Variants in CHN2 observed in about 807,000 individuals in gnomAD.
CHN2 encodes the protein beta-chimaerin.
Under a neutral mutation model 56.3 loss-of-function variants are expected in CHN2, and 35 were observed. That is an observed-to-expected ratio of 0.62 (90% CI 0.47 to 0.82). The LOEUF is 0.82. CHN2 is among the 40% of genes least tolerant of loss of function. The probability of loss-of-function intolerance (pLI) is 0.00; values close to 1 mark genes in which losing one functional copy is unlikely to be tolerated. For synonymous variants in CHN2, 210 were observed against 212.8 expected (o/e 0.99, Z 0.12); for missense variants, 491 against 580.5 (o/e 0.85, Z 1.58).
intron 1 of CHN2, chr7:29,289,110 T>C (rs907925285): frequency 6.6e-6 from 1 of 152,248 alleles, no homozygotes; most frequent in Admixed American, 6.5e-5. Flanking sequence ...CCAACGCATT[T>C]GTTTTTGAGA....
Position 29,281,905 on chromosome 7 carries a change from G to A in CHN2, c.50-72720G>A, listed in dbSNP as rs575389284. Among the ~76,000 whole-genome samples the A allele has an allele frequency of 6.6e-5, 10 of 152,336 alleles. No individual in the cohort carries two copies. The East Asian group carries it at 7.7e-4, about 12-fold the overall frequency. ...CATGTTGTGCCTGAGTATGCGGTGC[G>A]TCAGAGGATGTCAGCTAACAGCTTC... On this transcript the variant is annotated intron_variant, in intron 1 of 12. Coordinates refer to ENST00000222792, the MANE Select transcript of CHN2 (RefSeq NM_004067.4).
intron 1 of CHN2, among the ~76,000 whole-genome samples, chr7:29,273,532 A>G (rs1044470959): frequency 6.6e-6 from 1 of 151,376 alleles, no homozygotes; most frequent in Non-Finnish European, 1.5e-5. Context: ...TCTTGAGTAT[A>G]TGCCCAGAAG....
chr7:29,169,293 A>G (rs535018091), intron 2 of CHN2, among the ~76,000 whole-genome samples: 9 of 152,228 alleles, frequency 5.9e-5, no homozygotes, highest in South Asian at 2.1e-4. Context: ...CTATTATTCA[A>G]TCCCTTAAAA....
chr7:29,445,040 C>T (rs529593123), intron 6 of CHN2: 35 of 439,900 alleles, frequency 8.0e-5, no homozygotes, highest in Middle Eastern at 9.4e-4. Context: ...ACAGAGGCTA[C>T]GCAAAATTCT....
Position 29,318,848 on chromosome 7 carries a change from C to T in CHN2, c.50-35777C>T, listed in dbSNP as rs914281767. Among the ~76,000 whole-genome samples the T allele has an allele frequency of 3.3e-5, 5 of 152,180 alleles. No homozygotes were observed. In the East Asian group the frequency reaches 9.6e-4, roughly 29 times the overall value. Reference sequence around the variant, plus strand: ...GCCTAACAATAGAGAAGAATCTCATCTTCCCATGAAATAGAAAGGAAAAAT... The same window carrying T: ...GCCTAACAATAGAGAAGAATCTCATTTTCCCATGAAATAGAAAGGAAAAAT... On this transcript the variant is annotated intron_variant, in intron 1 of 12. Transcript: ENST00000222792.
At chr7:29,218,897 T>G (rs1403988286) in intron 1 of CHN2, among the ~76,000 whole-genome samples, 1 of 151,738 alleles carries the variant, frequency 6.6e-6, no homozygotes, top group African/African-American at 2.4e-5. Flanking sequence ...GGCACATGTA[T>G]ACATATGTAA....
At chr7:29,231,977 G>A (rs1220834626) in intron 1 of CHN2, among the ~76,000 whole-genome samples, 1 of 152,200 alleles carries the variant, frequency 6.6e-6, no homozygotes, top group Non-Finnish European at 1.5e-5. Flanking sequence ...AGGGTAAACC[G>A]CTTTTCCTTA....
At position 29,166,118 on chromosome 7, in the gene CHN2, T is replaced by A. The variant is rs546750839; in HGVS notation, c.274+19158T>A. ...CAATATCAGCTCACTGTAGCCTTGA[T>A]TTCCTGGGCTCAAGTGACCCTCCTG... On this transcript the variant is annotated intron_variant, in intron 2 of 6. Transcript: ENST00000439384. 1.0e-3 allele frequency among the ~76,000 whole-genome samples: 153 copies of A among 152,200 alleles called. 6 individuals carry two copies. The South Asian group carries it at 0.028, about 28-fold the overall frequency.
chr7:29,335,618 A>G (rs1439028172), intron 1 of CHN2: 1 of 152,236 alleles, frequency 6.6e-6, no homozygotes, highest in African/African-American at 2.4e-5. Context: ...TCTGTACTAG[A>G]GCCTGCATGT....
At chr7:29,312,372 T>C (rs3793297) in intron 1 of CHN2, among the ~76,000 whole-genome samples, 36,694 of 152,096 alleles carry the variant, frequency 0.24, 5,004 homozygotes, top group Non-Finnish European at 0.31. Flanking sequence ...TTTTGAACAG[T>C]TGATCAAAAC....
At chr7:29,492,579 T>C (rs1788780629) in intron 7 of CHN2, among the ~76,000 whole-genome samples, 1 of 152,224 alleles carries the variant, frequency 6.6e-6, no homozygotes, top group Non-Finnish European at 1.5e-5. Context: ...ATCAAGTTCA[T>C]CAACAAGTCA....
At chr7:29,405,652 A>G (rs1802592652) in intron 6 of CHN2, among the ~76,000 whole-genome samples, 2 of 152,168 alleles carry the variant, frequency 1.3e-5, no homozygotes, top group African/African-American at 4.8e-5. Context: ...AAAGAGAGTT[A>G]CCTTTTCTGG....
intron 9 of CHN2, among the ~76,000 whole-genome samples, chr7:29,502,643 G>A (rs1425184597): frequency 2.0e-5 from 3 of 152,198 alleles, no homozygotes; most frequent in African/African-American, 7.2e-5. Context: ...AATACAGGGT[G>A]ACGCTTTGCT....
At chr7:29,194,479 C>T (rs1783352769), upstream of CHN2, 2 of 158,014 alleles carry the variant, frequency 1.3e-5, no homozygotes, top group Admixed American at 6.5e-5. Flanking sequence ...TCTGTCTGTC[C>T]GTCTCCCGCC....
chr7:29,459,440 T>C (rs895390590), intron 6 of CHN2, among the ~76,000 whole-genome samples: 1 of 152,224 alleles, frequency 6.6e-6, no homozygotes, highest in Non-Finnish European at 1.5e-5. Flanking sequence ...CGGCTGGGCC[T>C]TCTCCCTAGT....
chr7:29,304,542 T>C (rs138254779), intron 1 of CHN2, among the ~76,000 whole-genome samples: 11 of 152,376 alleles, frequency 7.2e-5, no homozygotes, highest in African/African-American at 1.4e-4. Context: ...AGTATTCTTA[T>C]ATAACACTAT....
intron 1 of CHN2, among the ~76,000 whole-genome samples, chr7:29,256,103 A>G (rs934792522): frequency 3.3e-5 from 5 of 152,204 alleles, no homozygotes; most frequent in African/African-American, 9.6e-5. Context: ...CATGTAAACA[A>G]TTAGGTGTGA....
intron 1 of CHN2, among the ~76,000 whole-genome samples, chr7:29,325,231 A>G (rs1391075004): frequency 6.6e-6 from 1 of 152,212 alleles, no homozygotes. Context: ...GTCTTCCTCA[A>G]CAGACTCTCC....
chr7:29,421,154 G>A (rs1804304525), intron 6 of CHN2, among the ~76,000 whole-genome samples: 1 of 152,150 alleles, frequency 6.6e-6, no homozygotes, highest in Non-Finnish European at 1.5e-5. Flanking sequence ...GAAGCAGATA[G>A]TACCAACACC....
Sources: allele counts gnomAD v4.1 joint callset (sites outside exome capture counted in the v4.1 genomes callset), GRCh38; gene constraint gnomAD v4.1.1; transcripts MANE v1.5; gene names NCBI Gene and HGNC (gene_info 2026-07-23, HGNC 2026-07-21).